ADORA2B: variants seen among roughly 807,000 people sequenced by gnomAD.
The protein encoded by ADORA2B is adenosine receptor A2b.
Under a neutral mutation model 20.8 loss-of-function variants are expected in ADORA2B, and 18 were observed. That is an observed-to-expected ratio of 0.87 (90% CI 0.60 to 1.29). The LOEUF (loss-of-function observed/expected upper bound fraction) is 1.29. Ranked by LOEUF, ADORA2B falls within the 50% of genes most tolerant of loss-of-function variation. The pLI is 0.00. For synonymous variants in ADORA2B, 179 were observed against 178.3 expected (o/e 1.00, Z -0.03); for missense variants, 441 against 422.7 (o/e 1.04, Z -0.38).
At chr17:15,863,644 G>A in the ADORA2B span, among the ~76,000 whole-genome samples, 1 of 152,182 alleles carries the variant, frequency 6.6e-6, no homozygotes, top group African/African-American at 2.4e-5. Flanking sequence ...GTGAGCCACT[G>A]TGCTGTGCCC....
At chr17:15,873,524 G>A in the ADORA2B span, among the ~76,000 whole-genome samples, 2 of 151,972 alleles carry the variant, frequency 1.3e-5, no homozygotes, top group Non-Finnish European at 2.9e-5. Flanking sequence ...GAATCTACAA[G>A]GAACTCAAAC....
the ADORA2B span, among the ~76,000 whole-genome samples, chr17:15,929,968 T>C: frequency 3.3e-5 from 5 of 152,222 alleles, no homozygotes; most frequent in Non-Finnish European, 7.3e-5. Flanking sequence ...ATAATGTGAA[T>C]GTACATTTTG....
At chr17:15,910,178 A>C in the ADORA2B span, among the ~76,000 whole-genome samples, 1 of 152,296 alleles carries the variant, frequency 6.6e-6, no homozygotes, top group South Asian at 2.1e-4. Flanking sequence ...CTCAAAGTAC[A>C]TCTCTGATTG....
the ADORA2B span, among the ~76,000 whole-genome samples, chr17:15,876,970 C>T: frequency 2.0e-5 from 3 of 152,164 alleles, no homozygotes; most frequent in South Asian, 2.1e-4. Context: ...AATTTGACTA[C>T]TCTAGGTACC....
chr17:15,936,888 C>G, the ADORA2B span, among the ~76,000 whole-genome samples: 44 of 152,100 alleles, frequency 2.9e-4, no homozygotes, highest in Non-Finnish European at 5.7e-4. Flanking sequence ...CCCAGGAGTT[C>G]GAGACTGCAG....
At chr17:15,862,687 G>A in the ADORA2B span, among the ~76,000 whole-genome samples, 1 of 151,842 alleles carries the variant, frequency 6.6e-6, no homozygotes, top group Non-Finnish European at 1.5e-5. Context: ...CCCTTGCATT[G>A]TGCAACACAC....
At chr17:15,923,242 G>T in the ADORA2B span, among the ~76,000 whole-genome samples, 34,581 of 138,222 alleles carry the variant, frequency 0.25, 5,043 homozygotes, top group African/African-American at 0.41. Flanking sequence ...TAGAGATGGG[G>T]TTTCACCATG....
At chr17:15,862,960 C>G in the ADORA2B span, among the ~76,000 whole-genome samples, 6 of 152,016 alleles carry the variant, frequency 3.9e-5, no homozygotes, top group Non-Finnish European at 7.4e-5. Flanking sequence ...TTATGAAAGT[C>G]TGAATGAATA....
At chr17:15,863,321 T>C in the ADORA2B span, among the ~76,000 whole-genome samples, 4 of 152,138 alleles carry the variant, frequency 2.6e-5, no homozygotes, top group Non-Finnish European at 2.9e-5. Flanking sequence ...ATTTTTAATA[T>C]GCCCTTCCAA....
chr17:15,916,810 C>T, the ADORA2B span, among the ~76,000 whole-genome samples: 7 of 152,160 alleles, frequency 4.6e-5, no homozygotes, highest in Non-Finnish European at 1.0e-4. Flanking sequence ...GTTGTGGCAC[C>T]AGTGAATTAG....
At chr17:15,888,054 A>G in the ADORA2B span, among the ~76,000 whole-genome samples, 1 of 126,214 alleles carries the variant, frequency 7.9e-6, no homozygotes, top group Non-Finnish European at 1.7e-5. Flanking sequence ...GGTGACTAAA[A>G]CAATAATATG....
the ADORA2B span, among the ~76,000 whole-genome samples, chr17:15,931,442 GTCCTTT>G: frequency 6.6e-6 from 1 of 152,216 alleles, no homozygotes; most frequent in Non-Finnish European, 1.5e-5. Flanking sequence ...AGACTTCCAT[GTCCTTT>G]TCCTTAGCAA....
chr17:15,916,520 A>G, the ADORA2B span, among the ~76,000 whole-genome samples: 2 of 149,026 alleles, frequency 1.3e-5, no homozygotes, highest in Non-Finnish European at 3.0e-5. Context: ...TCAACTGAGC[A>G]AGGAGGGGGG....
At chr17:15,852,308 C>G in the ADORA2B span, among the ~76,000 whole-genome samples, 1 of 152,080 alleles carries the variant, frequency 6.6e-6, no homozygotes, top group Admixed American at 6.5e-5. Flanking sequence ...TCCTTAACAT[C>G]TTAAAGAAGT....
chr17:15,882,971 C>T, the ADORA2B span, among the ~76,000 whole-genome samples: 2 of 152,218 alleles, frequency 1.3e-5, no homozygotes, highest in Admixed American at 6.5e-5. Flanking sequence ...TCCCCCAGGA[C>T]AGCATGTGAG....
the ADORA2B span, among the ~76,000 whole-genome samples, chr17:15,893,101 A>G: frequency 1.3e-5 from 2 of 152,164 alleles, no homozygotes; most frequent in Non-Finnish European, 2.9e-5. Context: ...GCAATTCAAT[A>G]TCTTCATTTT....
the ADORA2B span, among the ~76,000 whole-genome samples, chr17:15,874,073 T>C: frequency 2.6e-4 from 35 of 136,214 alleles, no homozygotes; most frequent in East Asian, 1.0e-3. Flanking sequence ...TGTGTGTATA[T>C]ATATATATGT....
chr17:15,906,568 T>G, the ADORA2B span, among the ~76,000 whole-genome samples: 11 of 152,210 alleles, frequency 7.2e-5, no homozygotes, highest in African/African-American at 2.7e-4. Context: ...AGTTTTCTTG[T>G]AATGTCTCTG....
chr17:15,917,832 G>A, the ADORA2B span, among the ~76,000 whole-genome samples: 6 of 152,250 alleles, frequency 3.9e-5, no homozygotes, highest in African/African-American at 1.2e-4. Context: ...CTTGGCTTAG[G>A]CTCCCCAACC....
Sources: allele counts gnomAD v4.1 joint callset (sites outside exome capture counted in the v4.1 genomes callset), GRCh38; gene constraint gnomAD v4.1.1; transcripts MANE v1.5; gene names NCBI Gene and HGNC (gene_info 2026-07-23, HGNC 2026-07-21).